The following SIPA1L3 variants were observed in gnomAD, a reference collection of about 807,000 sequenced individuals.
SIPA1L3 encodes signal-induced proliferation-associated 1-like protein 3.
Under a neutral mutation model 150.1 loss-of-function variants are expected in SIPA1L3, and 59 were observed. The observed-to-expected ratio is 0.39, with a 90% CI of 0.32 to 0.49. SIPA1L3 has a LOEUF of 0.49. Among genes scored for constraint, SIPA1L3 ranks in the 20% least tolerant of loss-of-function variants. The pLI is 0.86. For synonymous variants in SIPA1L3, 1,070 were observed against 1,077.6 expected, an observed-to-expected ratio of 0.99 and a Z score of 0.14; for missense variants, 2,211 against 2,489.5, an observed-to-expected ratio of 0.89 and a Z score of 2.38.
At chr19:38,002,170 A>G (rs1055269905) in intron 1 of SIPA1L3, among the ~76,000 whole-genome samples, 4 of 152,166 alleles carry the variant, frequency 2.6e-5, no homozygotes, top group African/African-American at 9.7e-5. Flanking sequence ...TTGTAAACTG[A>G]AACTCTGTCT....
At chr19:38,052,134 G>T (rs1011705549) in intron 2 of SIPA1L3, among the ~76,000 whole-genome samples, 1 of 152,136 alleles carries the variant, frequency 6.6e-6, no homozygotes, top group Non-Finnish European at 1.5e-5. Context: ...AAGAGAGGAG[G>T]ACATTTCTAT....
intron 1 of SIPA1L3, among the ~76,000 whole-genome samples, chr19:37,972,167 T>TTGTG (rs1966956474): frequency 2.6e-5 from 2 of 77,582 alleles, no homozygotes; most frequent in Non-Finnish European, 5.1e-5. Context: ...CAGAGATACC[T>TTGTG]AGTGTGTGTG....
intron 7 of SIPA1L3, 151 bp from the exon 8 acceptor site, chr19:38,110,076 G>T: frequency 1.4e-6 from 1 of 726,040 alleles, no homozygotes; most frequent in Non-Finnish European, 2.4e-6. Flanking sequence ...ACCACAGGAA[G>T]GTTTGTCACC....
At chr19:38,129,069 T>C (rs1971247781) in intron 9 of SIPA1L3, among the ~76,000 whole-genome samples, 1 of 152,216 alleles carries the variant, frequency 6.6e-6, no homozygotes, top group South Asian at 2.1e-4. Flanking sequence ...GCAGGCATTC[T>C]TGACAACTTG....
intron 2 of SIPA1L3, among the ~76,000 whole-genome samples, chr19:38,055,830 G>A (rs992569162): frequency 6.6e-6 from 1 of 152,224 alleles, no homozygotes; most frequent in Non-Finnish European, 1.5e-5. Context: ...GGAACACTTG[G>A]GAGAAGCTTT....
chr19:38,182,812 G>A, intron 16 of SIPA1L3, 72 bp downstream of exon 16: 3 of 1,160,062 alleles, frequency 2.6e-6, no homozygotes, highest in Non-Finnish European at 3.7e-6. Flanking sequence ...GAAAGAGGGT[G>A]ATGCCACATG....
chr19:37,918,732 A>T (rs1298108513), intron 1 of SIPA1L3, among the ~76,000 whole-genome samples: 1 of 151,756 alleles, frequency 6.6e-6, no homozygotes, highest in Admixed American at 6.6e-5. Context: ...TTAGCCAGGC[A>T]TGGTGGTGGG....
At chr19:38,048,856 T>G (rs1184665241) in intron 2 of SIPA1L3, among the ~76,000 whole-genome samples, 2 of 152,098 alleles carry the variant, frequency 1.3e-5, no homozygotes, top group Non-Finnish European at 2.9e-5. Context: ...TTTGGGAGGC[T>G]GAGGCGGGCA....
chr19:37,982,761 G>A (rs962539285), intron 1 of SIPA1L3, among the ~76,000 whole-genome samples: 2 of 152,204 alleles, frequency 1.3e-5, no homozygotes, highest in African/African-American at 4.8e-5. Context: ...AGTTAATGGT[G>A]CTTATGAATG....
intron 18 of SIPA1L3, among the ~76,000 whole-genome samples, chr19:38,194,727 T>C (rs1437007613): frequency 2.0e-5 from 3 of 152,096 alleles, no homozygotes; most frequent in Non-Finnish European, 4.4e-5. Flanking sequence ...TCTGGGAATT[T>C]TATGAAGGGC....
intron 2 of SIPA1L3, among the ~76,000 whole-genome samples, chr19:38,066,281 G>A (rs1969589913): frequency 6.6e-6 from 1 of 152,076 alleles, no homozygotes; most frequent in Non-Finnish European, 1.5e-5. Context: ...GCCTCCCAAA[G>A]GGTTGAAATT....
chr19:38,077,457 AAAT>A (rs1435629222), intron 2 of SIPA1L3, among the ~76,000 whole-genome samples: 2 of 151,982 alleles, frequency 1.3e-5, no homozygotes, highest in Non-Finnish European at 2.9e-5. Flanking sequence ...TCTCTAAAAA[AAAT>A]AATAATAAAA....
intron 1 of SIPA1L3, among the ~76,000 whole-genome samples, chr19:37,909,398 G>A (rs2046360665): frequency 6.6e-6 from 1 of 151,894 alleles, no homozygotes; most frequent in Admixed American, 6.6e-5. Flanking sequence ...AGTAGAGATG[G>A]GGTTTTCACC....
rs758698639 is a variant in SIPA1L3, at chr19:38,182,546, C to G, written c.4236C>G (p.Pro1412=). 1.9e-6 allele frequency: 3 copies of G among 1,613,510 alleles called. No individual in the cohort carries two copies. Among genetic ancestry groups the G allele is most frequent in the East Asian group, 2.2e-5 (1 of 44,868 alleles). ...ACATGGGCTCGAGGGTTGGCTACCC[C>G]GCTCAGGTTTACAAAACTGCCAGTG... ...PSDMGSRVGY[P]AQVYKTASAE... is the part of the protein sequence containing the mutation. Residue 1412 remains proline (P), a synonymous_variant, in exon 16 of 22, where the codon CCC becomes CCG. Transcript: ENST00000222345.
chr19:37,939,483 C>T (rs546706476), intron 1 of SIPA1L3, among the ~76,000 whole-genome samples: 4 of 151,602 alleles, frequency 2.6e-5, no homozygotes, highest in African/African-American at 7.3e-5. Flanking sequence ...AGCAAGATAG[C>T]TTATTTCTCT....
At chr19:38,197,818 G>A (rs1420168385) in intron 18 of SIPA1L3, among the ~76,000 whole-genome samples, 3 of 152,104 alleles carry the variant, frequency 2.0e-5, no homozygotes, top group South Asian at 2.1e-4. Flanking sequence ...CAGCATCACC[G>A]TCTCCATTGT....
At chr19:37,998,476 C>T (rs924732332) in intron 1 of SIPA1L3, among the ~76,000 whole-genome samples, 6 of 152,092 alleles carry the variant, frequency 3.9e-5, no homozygotes, top group African/African-American at 7.2e-5. Flanking sequence ...ACATGATATC[C>T]GGCATTTGCT....
intron 10 of SIPA1L3, among the ~76,000 whole-genome samples, chr19:38,137,981 A>G (rs1479940485): frequency 6.6e-6 from 1 of 151,918 alleles, no homozygotes; most frequent in African/African-American, 2.4e-5. Context: ...AAACACAAAA[A>G]TTAGCCAGGC....
At chr19:38,172,113 A>C (rs899083506) in intron 15 of SIPA1L3, among the ~76,000 whole-genome samples, 10 of 152,156 alleles carry the variant, frequency 6.6e-5, no homozygotes, top group African/African-American at 1.9e-4. Context: ...TTGGATCTGC[A>C]TGGGAGGACG....
Sources: allele counts gnomAD v4.1 joint callset (sites outside exome capture counted in the v4.1 genomes callset), GRCh38; gene constraint gnomAD v4.1.1; transcripts MANE v1.5; gene names NCBI Gene and HGNC (gene_info 2026-07-23, HGNC 2026-07-21).